Variants in ALDOA observed in about 807,000 individuals in gnomAD.
ALDOA encodes aldolase, fructose-bisphosphate A, also known as fructose-bisphosphate aldolase A.
ALDOA carries 26 observed loss-of-function variants against 43.9 expected under a neutral mutation model. That is an observed-to-expected ratio of 0.59 (90% confidence interval 0.43 to 0.82). The LOEUF is 0.82. ALDOA is among the 40% of genes least tolerant of loss of function. The pLI is 0.00. For missense variants in ALDOA, 498 were observed against 549.5 expected (o/e 0.91, Z 0.94); for synonymous variants, 258 against 222.6 (o/e 1.16, Z -1.42).
chr16:30,067,177 G>C (rs2072140098), intron 2 of ALDOA, 57 bp from the exon 3 acceptor site: 1 of 1,609,068 alleles, frequency 6.2e-7, no homozygotes, highest in East Asian at 2.2e-5. Context: ...CCTGGTCATC[G>C]GGAGATGATG....
chr16:30,067,918 C>G, intron 4 of ALDOA: 1 of 551,254 alleles, frequency 1.8e-6, no homozygotes, highest in Non-Finnish European at 3.3e-6. Context: ...GAGCCCCAGT[C>G]TGACACCCAA....
intron 4 of ALDOA, 71 bp downstream of exon 4, chr16:30,067,732 G>A (rs774085607): frequency 1.3e-6 from 2 of 1,567,298 alleles, no homozygotes; most frequent in South Asian, 2.2e-5. Flanking sequence ...TAGTGAGGCA[G>A]GGAATGAATG....
At chr16:30,064,638 G>A (rs537877443), upstream of ALDOA, 10 of 395,308 alleles carry the variant, frequency 2.5e-5, no homozygotes, top group African/African-American at 2.1e-4. Flanking sequence ...CCCTGCCAGA[G>A]GATCCGTGGC....
In ALDOA at chr16:30,067,314, T is replaced by C. The variant is rs911754348; in HGVS notation, c.222T>C (p.Ala74=). 4 of 1,613,156 alleles carry C rather than the reference T, an allele frequency of 2.5e-6. No homozygotes were observed. Among genetic ancestry groups the C allele is most frequent in the Non-Finnish European group, 3.4e-6 (4 of 1,179,972 alleles). The change falls in exon 3 of 10, where the codon GCT becomes GCC. Residue 74 remains alanine, a synonymous_variant. Coordinates refer to ENST00000642816, the MANE Select transcript of ALDOA (RefSeq NM_001243177.4). The part of the protein sequence containing the change: ...PEQKKELSDI[A]HRIVAPGKGI... ...AGAAGAAGGAGCTGTCTGACATCGC[T>C]CACCGCATCGTGGCACCTGGCAAGG...
At chr16:30,067,902 G>A in intron 4 of ALDOA, 1 of 573,180 alleles carries the variant, frequency 1.7e-6, no homozygotes. Context: ...CTCAGAGTAA[G>A]TGGCAGAGCC....
chr16:30,067,418 C>T (rs771313409), intron 3 of ALDOA, 32 bp from the exon 4 acceptor site: 2 of 1,612,160 alleles, frequency 1.2e-6, no homozygotes, highest in Non-Finnish European at 1.7e-6. Context: ...GAGTGGCAGG[C>T]TGATCCCCTA....
At position 30,069,749 on chromosome 16, in the gene ALDOA, T is replaced by A. The variant is rs1248144364; in HGVS notation, c.961+76T>A. ...CAACCCTATGCCCATTTGGACGGATTTCCATGGCAACTTCCACCAGCTCCT... is the reference window on the plus strand; with the variant it reads ...CAACCCTATGCCCATTTGGACGGATATCCATGGCAACTTCCACCAGCTCCT... On this transcript the variant is annotated intron_variant, in intron 8 of 9. Transcript: ENST00000642816. 9 of 1,611,756 alleles carry A rather than the reference T, an allele frequency of 5.6e-6. No homozygotes were observed. In the African/African-American group the frequency reaches 1.2e-4, roughly 22 times the overall value.
chr16:30,069,540 C>G lies in ALDOA; in HGVS notation c.828C>G (p.Ile276Met). ...AVYKALSDHHIYLEGTLLKPN... is the reference protein window; with the variant it reads ...AVYKALSDHHMYLEGTLLKPN... The stretch of plus-strand genomic sequence containing the variant: ...ACAAGGCTCTGAGTGACCACCACAT[C>G]TACCTGGAAGGCACCTTGCTGAAGC... Residue 276 changes from isoleucine (I) to methionine (M), a missense_variant, in exon 8 of 10, where the codon ATC becomes ATG. By Grantham distance (10) the Ile-to-Met change is conservative. Transcript: ENST00000642816. 1 of 1,614,172 alleles carries G rather than the reference C, an allele frequency of 6.2e-7. No homozygotes were observed. The highest frequency in any genetic ancestry group is 8.5e-7 in the Non-Finnish European group (1 of 1,180,040).
intron 8 of ALDOA, 71 bp downstream of exon 8, chr16:30,069,744 C>T (rs1322222916): frequency 1.4e-5 from 22 of 1,611,324 alleles, no homozygotes; most frequent in African/African-American, 4.0e-5. Context: ...CCCATTTGGA[C>T]GGATTTCCAT....
At chr16:30,069,046 T>C (rs2072222086) in intron 6 of ALDOA, 68 bp downstream of exon 6, 1 of 1,604,816 alleles carries the variant, frequency 6.2e-7, no homozygotes, top group East Asian at 2.2e-5. Flanking sequence ...AATTTGCCTA[T>C]TACCTGCCAT....
In ALDOA at chr16:30,068,300, G is replaced by A. The variant is rs191614112; in HGVS notation, c.487-346G>A. On this transcript the variant is annotated intron_variant, in intron 4 of 9. Coordinates refer to ENST00000642816, the MANE Select transcript of ALDOA (RefSeq NM_001243177.4). Reference sequence around the variant, plus strand: ...AGGATGGTCTCGATCTCCTGATCTCGTGATCTGCCCACCTCGGCCTCCCAA... The same window carrying A: ...AGGATGGTCTCGATCTCCTGATCTCATGATCTGCCCACCTCGGCCTCCCAA... 9.8e-5 allele frequency: 35 copies of A among 358,144 alleles called. No individual in the cohort carries two copies. The East Asian group carries it at 2.3e-3, about 24-fold the overall frequency. 22.2% of individuals were successfully genotyped at this position (358,144 alleles called of 1,614,324 possible).
At chr16:30,064,282 A>G (rs2072030827), upstream of ALDOA, 1 of 394,076 alleles carries the variant, frequency 2.5e-6, no homozygotes, top group South Asian at 1.4e-4. Context: ...TCTCCTTCTT[A>G]AAAAAAACCA....
At chr16:30,064,534 A>C (rs2072036902), upstream of ALDOA, 3 of 398,572 alleles carry the variant, frequency 7.5e-6, no homozygotes, top group Non-Finnish European at 1.3e-5. Context: ...CCTCCCCATC[A>C]ATAGGGCCGA....
At chr16:30,066,559 C>T (rs953985716) in intron 1 of ALDOA, among the ~76,000 whole-genome samples, 4 of 152,238 alleles carry the variant, frequency 2.6e-5, no homozygotes, top group Non-Finnish European at 5.9e-5. Context: ...CCGCCCTTTC[C>T]TGGGCTTCTC....
intron 4 of ALDOA, chr16:30,067,996 G>A: frequency 3.0e-6 from 1 of 333,228 alleles, no homozygotes; most frequent in Non-Finnish European, 5.6e-6. Context: ...GTTACTAAGT[G>A]AACTAAGTGA....
intron 4 of ALDOA, chr16:30,068,445 G>T (rs1024717206): frequency 1.7e-5 from 11 of 663,856 alleles, no homozygotes; most frequent in Non-Finnish European, 2.8e-5. Context: ...AAGTAAATGT[G>T]GGGGAAGACT....
At chr16:30,064,542 C>T, upstream of ALDOA, 1 of 398,690 alleles carries the variant, frequency 2.5e-6, no homozygotes, top group East Asian at 3.6e-5. Flanking sequence ...TCAATAGGGC[C>T]GACCCAAGTC....
chr16:30,066,851 A>G (rs1339625243), intron 1 of ALDOA, 34 bp from the exon 2 acceptor site: 3 of 1,534,156 alleles, frequency 2.0e-6, no homozygotes, highest in South Asian at 1.2e-5. Flanking sequence ...CGATCTTTAC[A>G]TTCTAAAATA....
Position 30,069,324 on chromosome 16 carries a change from G to C in ALDOA, c.721G>C (p.Val241Leu), listed in dbSNP as rs1335840967. 10 of 1,614,042 alleles carry C rather than the reference G, an allele frequency of 6.2e-6. No homozygotes were observed. Among genetic ancestry groups the C allele is most frequent in the African/African-American group, 1.3e-5 (1 of 74,916 alleles). Reference protein sequence around the residue: ...ICQQNGIVPIVEPEILPDGDH... With the variant: ...ICQQNGIVPILEPEILPDGDH... ...CCTGCAGAATGGCATTGTGCCCATC[G>C]TGGAGCCTGAGATCCTCCCTGATGG... is the stretch of plus-strand genomic sequence containing the variant. The change falls in exon 7 of 10, where the codon GTG becomes CTG. Residue 241 changes from valine (V) to leucine (L), a missense_variant. By Grantham distance (32) the Val-to-Leu change is conservative (BLOSUM62 1). Transcript: ENST00000642816.
Sources: gnomAD v4.1 joint callset for allele counts (sites outside exome capture counted in the v4.1 genomes callset) on GRCh38, gnomAD v4.1.1 for gene constraint, MANE v1.5 for transcripts, NCBI Gene and HGNC (gene_info 2026-07-23, HGNC 2026-07-21) for gene names.